The following BICD2 variants were observed in gnomAD, a reference collection of about 807,000 sequenced individuals.
The protein encoded by BICD2 is protein bicaudal D homolog 2.
BICD2 carries 25 observed loss-of-function variants against 72.9 expected under a neutral mutation model. That is an observed-to-expected ratio of 0.34 (90% CI 0.25 to 0.48). The LOEUF (loss-of-function observed/expected upper bound fraction) is 0.48, where lower values mean the gene tolerates loss of function less well. Ranked by LOEUF, BICD2 falls within the 20% of genes least tolerant of loss-of-function variation. The probability of loss-of-function intolerance (pLI) is 0.99; values close to 1 mark genes in which losing one functional copy is unlikely to be tolerated. For missense variants in BICD2, 894 were observed against 1,175.2 expected (o/e 0.76, Z 3.50); for synonymous variants, 501 against 516.1 (o/e 0.97, Z 0.40).
intron 4 of BICD2, 96 bp from the exon 5 acceptor site, chr9:92,719,678 GTCAGGGCAGGCTGTCAGCCCCAGGT>G (rs755195907): frequency 7.5e-7 from 1 of 1,326,936 alleles, no homozygotes; most frequent in Non-Finnish European, 1.0e-6. Context: ...CCCACCCCAT[GTCAGGGCAGGCTGTCAGCCCCAGGT>G]TCCTTGGCCA....
At position 92,729,292 on chromosome 9, in the gene BICD2, A is replaced by G. The variant is rs2131510589; in HGVS notation, c.241-56T>C. On this transcript the variant is annotated intron_variant, in intron 1 of 6. Coordinates refer to ENST00000356884, the MANE Select transcript of BICD2 (RefSeq NM_001003800.2). ...GGGCCTCCCAGGGGCGCCGAAGGATAGAGACCCAGCTCACAGGCGACATTC... is the reference window on the plus strand; with the variant it reads ...GGGCCTCCCAGGGGCGCCGAAGGATGGAGACCCAGCTCACAGGCGACATTC... The G allele has an allele frequency of 1.6e-5, 25 of 1,574,794 alleles. No individual in the cohort carries two copies. In the South Asian group the frequency reaches 2.7e-4, roughly 17 times the overall value.
chr9:92,729,180 C>T lies in BICD2; in HGVS notation c.297G>A (p.Arg99=). The change falls in exon 2 of 7, where the codon CGG becomes CGA. Residue 99 remains arginine (R), a synonymous_variant. Transcript: ENST00000356884. ...HKKVAADGES[R]EESLIQESAS... ...CCGACTCCTGGATCAGGCTCTCCTC[C>T]CGGCTCTCTCCGTCAGCAGCCACCT... 1 of 1,614,254 alleles carries T rather than the reference C, an allele frequency of 6.2e-7. No homozygotes were observed. Among genetic ancestry groups the T allele is most frequent in the Non-Finnish European group, 8.5e-7 (1 of 1,180,048 alleles).
In BICD2 at chr9:92,714,925, TAA is replaced by T; in HGVS notation, c.*227_*228del. On this transcript the variant is annotated 3_prime_UTR_variant, in exon 7 of 7. Coordinates refer to ENST00000356884, the MANE Select transcript of BICD2 (RefSeq NM_001003800.2). ...TCTATCCCCACCTCTGACCCCCACC[TAA>T]GAGAGCAGCTGAGGACTGGGTGCTC... The T allele has an allele frequency of 1.5e-6, 2 of 1,359,682 alleles. No homozygotes were observed. The highest frequency in any genetic ancestry group is 6.9e-5 in the Admixed American group (2 of 29,036). 84.2% of individuals were successfully genotyped at this position (1,359,682 alleles called of 1,614,324 possible). A position where few individuals can be genotyped will look rare whatever the true frequency, so the allele number is the denominator to read the frequency against.
At chr9:92,727,659 C>T (rs141880153) in intron 2 of BICD2, among the ~76,000 whole-genome samples, 112 of 152,362 alleles carry the variant, frequency 7.4e-4, no homozygotes, top group Admixed American at 1.4e-3. Flanking sequence ...CCACCTCCAT[C>T]TTGGTGATGG....
At chr9:92,716,835 G>A (rs1478357255) in intron 6 of BICD2, among the ~76,000 whole-genome samples, 2 of 152,234 alleles carry the variant, frequency 1.3e-5, no homozygotes, top group African/African-American at 2.4e-5. Flanking sequence ...AGGGAGGGGT[G>A]TGCACCCACC....
Position 92,764,570 on chromosome 9 carries a change from G to T in BICD2, c.175C>A (p.Leu59Met). ...AVLEEKHQLK[L>M]QFEELEVDYE... ...TCCACCTCGAGCTCCTCGAACTGCA[G>T]CTTGAGCTGGTGCTTCTCCTCGAGC... The change falls in exon 1 of 7, where the codon CTG becomes ATG. Residue 59 changes from leucine (L) to methionine (M), a missense_variant. Leu to Met is a conservative substitution (Grantham distance 15). Around this residue, in one of 5 missense-constraint regions of BICD2, gnomAD observed 192 missense variants for 243.6 expected, o/e 0.79. Coordinates refer to ENST00000356884, the MANE Select transcript of BICD2 (RefSeq NM_001003800.2). The surrounding 1 kb of genome is among the most constrained non-coding windows in gnomAD (Gnocchi z 5.5). 6.4e-7 allele frequency: 1 copy of T among 1,563,022 alleles called. No individual in the cohort carries two copies. The highest frequency in any genetic ancestry group is 8.7e-7 in the Non-Finnish European group (1 of 1,154,730).
chr9:92,726,775 C>T (rs1290274856), intron 2 of BICD2, among the ~76,000 whole-genome samples: 1 of 152,110 alleles, frequency 6.6e-6, no homozygotes. Context: ...CTCAGGATTT[C>T]CTCCTGAAGC....
intron 1 of BICD2, among the ~76,000 whole-genome samples, chr9:92,763,473 C>T (rs1480284269): frequency 2.0e-5 from 3 of 152,162 alleles, no homozygotes; most frequent in Admixed American, 2.0e-4. Flanking sequence ...TACTGCACTC[C>T]CATTTTGCAG....
In BICD2 at chr9:92,734,229, C is replaced by T. The variant is rs1393784706; in HGVS notation, c.241-4993G>A. Among the ~76,000 whole-genome samples, 5 of 151,974 alleles carry T rather than the reference C, an allele frequency of 3.3e-5. No homozygotes were observed. In the East Asian group the frequency reaches 9.8e-4, roughly 30 times the overall value. On this transcript the variant is annotated intron_variant, in intron 1 of 6. Coordinates refer to ENST00000356884, the MANE Select transcript of BICD2 (RefSeq NM_001003800.2). ...TGCTGTTAGAAGTTAGCATAGTTGG[C>T]AGCTGGGCACAGTGGCTCATGCCTG...
At chr9:92,748,935 C>A (rs1051162565) in intron 1 of BICD2, among the ~76,000 whole-genome samples, 2 of 152,100 alleles carry the variant, frequency 1.3e-5, no homozygotes, top group Non-Finnish European at 2.9e-5. Context: ...ACTCCAAAAT[C>A]CATTTTTCTT....
intron 2 of BICD2, among the ~76,000 whole-genome samples, chr9:92,726,907 C>G (rs578247905): frequency 1.3e-5 from 2 of 152,216 alleles, no homozygotes; most frequent in Non-Finnish European, 2.9e-5. Context: ...TGGCCTCTGC[C>G]ACCAGAGATA....
At chr9:92,740,536 G>A (rs527282376) in intron 1 of BICD2, among the ~76,000 whole-genome samples, 8 of 151,902 alleles carry the variant, frequency 5.3e-5, no homozygotes, top group African/African-American at 1.9e-4. Context: ...CTGGGGCGGG[G>A]AGGGGGGGCG....
chr9:92,714,806 G>C lies in BICD2; in HGVS notation c.*348C>G. On this transcript the variant is annotated 3_prime_UTR_variant, in exon 7 of 7. Transcript: ENST00000356884. ...GGTTCTGCCCCTTTTGGGTGCTGAG[G>C]GAGCAGGACCAGGACTCCTCCCTTG... is the stretch of plus-strand genomic sequence containing the variant. 1 of 1,052,868 alleles carries C rather than the reference G, an allele frequency of 9.5e-7. No individual in the cohort carries two copies. The highest frequency in any genetic ancestry group is 1.1e-6 in the Non-Finnish European group (1 of 874,002). The allele number at this position is 1,052,868 out of a possible 1,614,324, so 65.2% of individuals were successfully genotyped here. A position where few individuals can be genotyped will look rare whatever the true frequency, so the allele number is the denominator to read the frequency against.
At chr9:92,749,902 C>T (rs769549336) in intron 1 of BICD2, among the ~76,000 whole-genome samples, 19 of 152,230 alleles carry the variant, frequency 1.2e-4, no homozygotes, top group Non-Finnish European at 2.1e-4. Context: ...GCTGTCCAGA[C>T]GGCATCTGTT....
intron 1 of BICD2, among the ~76,000 whole-genome samples, chr9:92,750,197 T>C (rs1008054519): frequency 2.0e-5 from 3 of 152,236 alleles, no homozygotes; most frequent in African/African-American, 7.2e-5. Context: ...TCTTGTTCAA[T>C]GCTGGCGGAA....
At chr9:92,723,663 A>C (rs1000664335) in intron 2 of BICD2, among the ~76,000 whole-genome samples, 1 of 152,222 alleles carries the variant, frequency 6.6e-6, no homozygotes, top group Non-Finnish European at 1.5e-5. Context: ...AAATACACTG[A>C]GTTGTACACC....
At chr9:92,721,170 G>T (rs1037459834) in intron 3 of BICD2, among the ~76,000 whole-genome samples, 7 of 152,224 alleles carry the variant, frequency 4.6e-5, no homozygotes, top group Non-Finnish European at 2.9e-5. Context: ...CCAAGTGCAT[G>T]CTGATTAAAA....
At position 92,733,146 on chromosome 9, in the gene BICD2, T is replaced by C. The variant is rs947099234; in HGVS notation, c.241-3910A>G. 2.0e-5 allele frequency among the ~76,000 whole-genome samples: 3 copies of C among 152,246 alleles called. 1 individual carries two copies. The South Asian group carries it at 6.2e-4, about 31-fold the overall frequency. ...AATGTGGTACTAGTGTAAAGATAGA[T>C]ACAGAGACCAACGGGATAGAATAGA... On this transcript the variant is annotated intron_variant, in intron 1 of 6. Transcript: ENST00000356884.
chr9:92,758,350 G>A (rs545911360), intron 1 of BICD2, among the ~76,000 whole-genome samples: 23 of 151,352 alleles, frequency 1.5e-4, no homozygotes, highest in African/African-American at 5.6e-4. Context: ...TCAGGAGTTC[G>A]AGACCAGCCT....
Sources: allele counts gnomAD v4.1 joint callset (sites outside exome capture counted in the v4.1 genomes callset), GRCh38; gene constraint gnomAD v4.1.1; regional missense constraint gnomAD v4.1.1; non-coding constraint Gnocchi (gnomAD v3.1); transcripts MANE v1.5; gene names NCBI Gene and HGNC (gene_info 2026-07-23, HGNC 2026-07-21).